Variants in TMEM132D observed in about 807,000 individuals in gnomAD.
TMEM132D encodes the protein mature OL transmembrane protein.
In TMEM132D, 21 loss-of-function variants were observed where a neutral mutation model predicts 62.3. The ratio of observed to expected loss-of-function variants is 0.34; its 90% CI spans 0.24 to 0.49. TMEM132D has a LOEUF of 0.49. Among genes scored for constraint, TMEM132D ranks in the 20% least tolerant of loss-of-function variants. The pLI is 0.99. For missense variants in TMEM132D, 1,346 were observed against 1,402.8 expected (o/e 0.96, Z 0.65); for synonymous variants, 621 against 575.6 (o/e 1.08, Z -1.13).
chr12:129,357,683 G>C (rs1383001659), intron 3 of TMEM132D, among the ~76,000 whole-genome samples: 2 of 111,842 alleles, frequency 1.8e-5, no homozygotes, highest in African/African-American at 6.1e-5. Flanking sequence ...GAAAGAAAGA[G>C]AGAGAGAGAG....
chr12:129,331,091 A>G (rs1869088132), intron 4 of TMEM132D, among the ~76,000 whole-genome samples: 2 of 152,200 alleles, frequency 1.3e-5, no homozygotes, highest in East Asian at 3.9e-4. Context: ...ACGAGGATCA[A>G]GGAAGACCCT....
At chr12:129,508,380 G>A (rs1875403248) in intron 3 of TMEM132D, among the ~76,000 whole-genome samples, 1 of 152,206 alleles carries the variant, frequency 6.6e-6, no homozygotes, top group Non-Finnish European at 1.5e-5. Context: ...CATGAATTGT[G>A]TGCTAGCTGA....
intron 2 of TMEM132D, among the ~76,000 whole-genome samples, chr12:129,556,589 T>G (rs1468168693): frequency 6.6e-6 from 1 of 152,144 alleles, no homozygotes; most frequent in African/African-American, 2.4e-5. Context: ...AAGCAGTGAA[T>G]AGAAATAACT....
chr12:129,401,871 T>C (rs1387709703), intron 3 of TMEM132D, among the ~76,000 whole-genome samples: 1 of 152,130 alleles, frequency 6.6e-6, no homozygotes, highest in Non-Finnish European at 1.5e-5. Flanking sequence ...CGATAACGTG[T>C]AAAGATTTGA....
chr12:129,779,098 C>T lies in TMEM132D; in HGVS notation c.80-78400G>A, dbSNP rs1053368509. Among the ~76,000 whole-genome samples, 1 of 152,180 alleles carries T rather than the reference C, an allele frequency of 6.6e-6. No homozygotes were observed. The highest frequency in any genetic ancestry group is 1.5e-5 in the Non-Finnish European group (1 of 68,050). ...TTTCCGTCAATGTCCTTACCATTCT[C>T]ATACAACGAGGCGACTGCAACAGCT... is the stretch of plus-strand genomic sequence containing the variant. On this transcript the variant is annotated intron_variant, in intron 1 of 8. Coordinates refer to ENST00000422113, the MANE Select transcript of TMEM132D (RefSeq NM_133448.3). The surrounding 1 kb of genome is among the most constrained non-coding windows in gnomAD (Gnocchi z 4.1).
chr12:129,863,479 T>C (rs909787995), intron 1 of TMEM132D, among the ~76,000 whole-genome samples: 4 of 152,198 alleles, frequency 2.6e-5, no homozygotes, highest in African/African-American at 9.7e-5. Flanking sequence ...AATTCTGTTT[T>C]TTCATACACC....
At chr12:129,606,312 G>C (rs1878623712) in intron 2 of TMEM132D, among the ~76,000 whole-genome samples, 1 of 152,176 alleles carries the variant, frequency 6.6e-6, no homozygotes, top group Non-Finnish European at 1.5e-5. Flanking sequence ...AGTCTTCCTT[G>C]AGTAGGGCTT....
chr12:129,813,168 G>A (rs1480212896), intron 1 of TMEM132D, among the ~76,000 whole-genome samples: 1 of 151,610 alleles, frequency 6.6e-6, no homozygotes, highest in Non-Finnish European at 1.5e-5. Context: ...AAATATCTCT[G>A]GAATCTGTCC....
intron 3 of TMEM132D, among the ~76,000 whole-genome samples, chr12:129,459,280 C>T (rs1462639299): frequency 6.6e-6 from 1 of 152,148 alleles, no homozygotes; most frequent in African/African-American, 2.4e-5. Flanking sequence ...TTGTTTTGTG[C>T]AGTCTTCAGG....
chr12:129,196,049 C>A (rs1043859810), intron 5 of TMEM132D, among the ~76,000 whole-genome samples: 18 of 152,182 alleles, frequency 1.2e-4, no homozygotes, highest in African/African-American at 4.3e-4. Flanking sequence ...ATGGCTTGAA[C>A]CCAGGAAGTG....
intron 3 of TMEM132D, among the ~76,000 whole-genome samples, chr12:129,481,424 C>T (rs1391969572): frequency 6.7e-6 from 1 of 149,400 alleles, no homozygotes; most frequent in Non-Finnish European, 1.5e-5. Context: ...GATACCACCA[C>T]TGCACTCCAG....
intron 1 of TMEM132D, among the ~76,000 whole-genome samples, chr12:129,805,369 G>A (rs1398995623): frequency 6.6e-6 from 1 of 151,990 alleles, no homozygotes; most frequent in African/African-American, 2.4e-5. Context: ...ACAGAACAGA[G>A]CCCTCAGAAA....
intron 3 of TMEM132D, among the ~76,000 whole-genome samples, chr12:129,515,527 T>C (rs1875646832): frequency 6.6e-6 from 1 of 152,176 alleles, no homozygotes. Context: ...TATGGAACTT[T>C]GGCGATTGGG....
At chr12:129,816,292 A>G (rs1440719677) in intron 1 of TMEM132D, among the ~76,000 whole-genome samples, 1 of 152,222 alleles carries the variant, frequency 6.6e-6, no homozygotes, top group African/African-American at 2.4e-5. Context: ...TCTTCTGATT[A>G]TCATTTATTA....
At chr12:129,329,678 C>G (rs1015894264) in intron 4 of TMEM132D, among the ~76,000 whole-genome samples, 3 of 152,126 alleles carry the variant, frequency 2.0e-5, no homozygotes, top group African/African-American at 7.2e-5. Context: ...CATGTGTATT[C>G]CAATGAGGGA....
chr12:129,091,522 G>T (rs922305389), intron 5 of TMEM132D, among the ~76,000 whole-genome samples: 5 of 146,398 alleles, frequency 3.4e-5, no homozygotes, highest in Non-Finnish European at 7.5e-5. Flanking sequence ...CCTTACCTAT[G>T]CTCACCTGGG....
intron 4 of TMEM132D, among the ~76,000 whole-genome samples, chr12:129,259,858 T>A (rs142550076): frequency 5.3e-5 from 8 of 152,282 alleles, no homozygotes; most frequent in South Asian, 2.1e-4. Context: ...TTCTTGTAAT[T>A]TGACTTGAGC....
At chr12:129,435,051 G>A (rs867574063) in intron 3 of TMEM132D, among the ~76,000 whole-genome samples, 1 of 152,104 alleles carries the variant, frequency 6.6e-6, no homozygotes, top group Non-Finnish European at 1.5e-5. Context: ...CCACACAGGC[G>A]TGCGAATGTA....
intron 4 of TMEM132D, among the ~76,000 whole-genome samples, chr12:129,237,750 G>A (rs150632493): frequency 1.6e-3 from 244 of 152,132 alleles, no homozygotes; most frequent in African/African-American, 4.5e-3. Flanking sequence ...AGGCTGAGGC[G>A]AGAGGATCAC....
Sources: gnomAD v4.1 joint callset for allele counts (sites outside exome capture counted in the v4.1 genomes callset) on GRCh38, gnomAD v4.1.1 for gene constraint, Gnocchi (gnomAD v3.1) non-coding constraint, MANE v1.5 for transcripts, NCBI Gene and HGNC (gene_info 2026-07-23, HGNC 2026-07-21) for gene names.